The following LCP1 variants were observed in gnomAD, a reference collection of about 807,000 sequenced individuals.
The protein encoded by LCP1 is plastin-2.
In LCP1, 23 loss-of-function variants were observed where a neutral mutation model predicts 72.0. The observed-to-expected ratio is 0.32, with a 90% CI of 0.23 to 0.45. The LOEUF (loss-of-function observed/expected upper bound fraction) is 0.45. Ranked by LOEUF, LCP1 falls within the 20% of genes least tolerant of loss-of-function variation. The pLI, the probability that LCP1 is intolerant of heterozygous loss-of-function variation, is 1.00. For missense variants in LCP1, 571 were observed against 748.3 expected (o/e 0.76, Z 2.76); for synonymous variants, 245 against 275.4 (o/e 0.89, Z 1.09).
chr13:46,135,787 GC>G (rs1222773146), intron 13 of LCP1, among the ~76,000 whole-genome samples: 1 of 144,698 alleles, frequency 6.9e-6, no homozygotes, highest in Middle Eastern at 3.7e-3. Context: ...TCACTACATG[GC>G]CCATGGCCCA....
intron 13 of LCP1, among the ~76,000 whole-genome samples, chr13:46,140,818 T>C (rs929349888): frequency 6.6e-6 from 1 of 152,090 alleles, no homozygotes; most frequent in African/African-American, 2.4e-5. Context: ...TTAAAAAACA[T>C]GTACACTGGA....
chr13:46,153,450 C>A lies in LCP1; in HGVS notation c.574-505G>T, dbSNP rs543055060. 7.9e-5 allele frequency among the ~76,000 whole-genome samples: 12 copies of A among 152,174 alleles called. No homozygotes were observed. In the East Asian group the frequency reaches 2.3e-3, roughly 29 times the overall value. On this transcript the variant is annotated intron_variant, in intron 6 of 15. Transcript: ENST00000323076. The stretch of plus-strand genomic sequence containing the variant: ...GCACGGTGGCTCATGCCCATAATCC[C>A]GGCACTTTGAGAGGTCAAGGCGGGT...
At chr13:46,155,894 A>G (rs1264810332) in intron 5 of LCP1, among the ~76,000 whole-genome samples, 1 of 152,200 alleles carries the variant, frequency 6.6e-6, no homozygotes, top group African/African-American at 2.4e-5. Context: ...TATCAATTCT[A>G]TCTGCTTTCA....
At chr13:46,160,111 C>T (rs1180942836) in intron 1 of LCP1, among the ~76,000 whole-genome samples, 3 of 152,190 alleles carry the variant, frequency 2.0e-5, no homozygotes, top group Non-Finnish European at 4.4e-5. Context: ...ATTTAAGCCA[C>T]ATAAATAAAG....
At chr13:46,173,371 G>A (rs866894302) in intron 1 of LCP1, among the ~76,000 whole-genome samples, 60 of 152,302 alleles carry the variant, frequency 3.9e-4, no homozygotes, top group African/African-American at 1.4e-3. Context: ...AGGTGAGACA[G>A]AGTGTTTAAA....
chr13:46,155,791 C>T (rs1247507730), intron 5 of LCP1, among the ~76,000 whole-genome samples: 1 of 152,142 alleles, frequency 6.6e-6, no homozygotes, highest in Non-Finnish European at 1.5e-5. Flanking sequence ...CAGGTGTCCT[C>T]AATGTTTGAG....
chr13:46,160,471 G>C (rs2045831247), intron 1 of LCP1, among the ~76,000 whole-genome samples: 1 of 152,162 alleles, frequency 6.6e-6, no homozygotes. Context: ...CAAGCCAACA[G>C]ATACAGTTTA....
chr13:46,144,676 T>C lies in LCP1; in HGVS notation c.1175-156A>G, dbSNP rs147938028. On this transcript the variant is annotated intron_variant, in intron 10 of 15. Coordinates refer to ENST00000323076, the MANE Select transcript of LCP1 (RefSeq NM_002298.5). ...TGGATTTGGACGAGGGTTCTTATAC[T>C]GTGTTAATTTTTCTTTTCCATTTCA... Among the ~76,000 whole-genome samples the C allele has an allele frequency of 2.7e-3, 418 of 152,334 alleles. 3 individuals are homozygous for C. The highest frequency in any genetic ancestry group is 9.4e-3 in the African/African-American group (392 of 41,568).
intron 10 of LCP1, among the ~76,000 whole-genome samples, chr13:46,145,311 G>A (rs538327476): frequency 1.3e-5 from 2 of 152,270 alleles, no homozygotes; most frequent in Admixed American, 6.5e-5. Context: ...ACTGAAAGGC[G>A]ATATGCATTT....
chr13:46,176,869 GTTTA>G (rs1348749920), intron 1 of LCP1, among the ~76,000 whole-genome samples: 16 of 144,154 alleles, frequency 1.1e-4, no homozygotes, highest in African/African-American at 2.9e-4. Context: ...GTGTATGTGT[GTTTA>G]TTTGTGTGTG....
chr13:46,145,496 AGT>A lies in LCP1; in HGVS notation c.1175-978_1175-977del, dbSNP rs2045724041. Among the ~76,000 whole-genome samples, 3 of 152,206 alleles carry A rather than the reference AGT, an allele frequency of 2.0e-5. No homozygotes were observed. The South Asian group carries it at 6.2e-4, about 31-fold the overall frequency. ...AAAATGTTCCAAAGGAAGAATTATT[AGT>A]ATTTGCTGATTTAGTGGATGTAGGG... is the stretch of plus-strand genomic sequence containing the variant. On this transcript the variant is annotated intron_variant, in intron 10 of 15. Coordinates refer to ENST00000323076, the MANE Select transcript of LCP1 (RefSeq NM_002298.5).
In LCP1 at chr13:46,130,936, G is replaced by A. The variant is rs1013426704; in HGVS notation, c.1629C>T (p.Asp543=). The A allele has an allele frequency of 4.4e-6, 7 of 1,594,272 alleles. No homozygotes were observed. In the African/African-American group the frequency reaches 5.4e-5, roughly 12 times the overall value. ...KKSSSISSFK[D]PKISTSLPVL... is the part of the protein sequence containing the mutation. ...CAGGCAGACTTGTACTAATCTTCGG[G>A]TCCTATGCAGAGACACAGGGAGGGT... Residue 543 remains aspartate, a splice_region_variant and synonymous_variant, in exon 15 of 16, where the codon GAC becomes GAT. Transcript: ENST00000323076.
intron 1 of LCP1, among the ~76,000 whole-genome samples, chr13:46,160,223 T>G (rs2045829643): frequency 6.6e-6 from 1 of 152,174 alleles, no homozygotes; most frequent in Admixed American, 6.5e-5. Context: ...CATTTTGGGC[T>G]TTCTGGCCCA....
intron 1 of LCP1, among the ~76,000 whole-genome samples, chr13:46,175,219 G>T (rs1349214692): frequency 1.3e-5 from 2 of 152,186 alleles, no homozygotes; most frequent in Non-Finnish European, 2.9e-5. Flanking sequence ...AATATTAGGG[G>T]CTCAGTAAGT....
At chr13:46,158,408 A>G in intron 4 of LCP1, 114 bp downstream of exon 4, 1 of 1,185,926 alleles carries the variant, frequency 8.4e-7, no homozygotes, top group Non-Finnish European at 1.2e-6. Context: ...GAAAATTGGG[A>G]GTCATCCATA....
At chr13:46,138,723 T>C (rs780116233) in intron 13 of LCP1, among the ~76,000 whole-genome samples, 1 of 152,216 alleles carries the variant, frequency 6.6e-6, no homozygotes, top group Non-Finnish European at 1.5e-5. Context: ...CTTGGCTCAC[T>C]GCAACCTCTG....
chr13:46,142,552 A>C, intron 12 of LCP1, 127 bp from the exon 13 acceptor site: 4 of 1,005,606 alleles, frequency 4.0e-6, no homozygotes, highest in Non-Finnish European at 5.7e-6. Flanking sequence ...CTCAAGTCTC[A>C]ACTGGTTCTG....
At chr13:46,147,939 T>C (rs920797588) in intron 9 of LCP1, among the ~76,000 whole-genome samples, 4 of 152,332 alleles carry the variant, frequency 2.6e-5, no homozygotes, top group Admixed American at 2.0e-4. Context: ...TAGGAATCAG[T>C]TGACTTCAAC....
At chr13:46,176,340 AAAAT>A (rs1247915015) in intron 1 of LCP1, among the ~76,000 whole-genome samples, 1 of 149,358 alleles carries the variant, frequency 6.7e-6, no homozygotes, top group Non-Finnish European at 1.5e-5. Context: ...TGTCAATTTA[AAAAT>A]AAATAAAAAC....
Sources: gnomAD v4.1 joint callset for allele counts (sites outside exome capture counted in the v4.1 genomes callset) on GRCh38, gnomAD v4.1.1 for gene constraint, MANE v1.5 for transcripts, NCBI Gene and HGNC (gene_info 2026-07-23, HGNC 2026-07-21) for gene names.